The following TAFA5 variants were observed in gnomAD, a reference collection of about 807,000 sequenced individuals.
The protein encoded by TAFA5 is chemokine-like protein TAFA-5.
In TAFA5, 6 loss-of-function variants were observed where a neutral mutation model predicts 15.3. The observed-to-expected ratio is 0.39, with a 90% CI of 0.21 to 0.77. The LOEUF is 0.77. TAFA5 is among the 30% of genes least tolerant of loss of function. The pLI is 0.41. For missense variants in TAFA5, 161 were observed against 193.1 expected (o/e 0.83, Z 0.98); for synonymous variants, 103 against 80.7 (o/e 1.28, Z -1.48).
At chr22:48,602,842 C>T (rs1925024461) in intron 1 of TAFA5, among the ~76,000 whole-genome samples, 2 of 152,102 alleles carry the variant, frequency 1.3e-5, no homozygotes, top group African/African-American at 2.4e-5. Flanking sequence ...GGAACCTGGG[C>T]CCTGAGAGGT....
At chr22:48,591,589 G>T (rs777294767) in intron 1 of TAFA5, among the ~76,000 whole-genome samples, 4 of 152,254 alleles carry the variant, frequency 2.6e-5, no homozygotes, top group African/African-American at 4.8e-5. Flanking sequence ...GGGCGGCCCT[G>T]AGGGCTCCAG....
chr22:48,570,853 G>C (rs1025249960), intron 1 of TAFA5, among the ~76,000 whole-genome samples: 4 of 152,162 alleles, frequency 2.6e-5, no homozygotes, highest in African/African-American at 9.7e-5. Flanking sequence ...TAGAACTATG[G>C]AGAAAGAGAT....
intron 1 of TAFA5, among the ~76,000 whole-genome samples, chr22:48,577,220 C>T (rs1923844921): frequency 6.6e-6 from 1 of 152,196 alleles, no homozygotes; most frequent in Admixed American, 6.5e-5. Flanking sequence ...ACGGTTGGAC[C>T]CTCGTGGCTG....
chr22:48,683,789 G>C (rs1252969006), intron 2 of TAFA5, among the ~76,000 whole-genome samples: 1 of 152,206 alleles, frequency 6.6e-6, no homozygotes, highest in Non-Finnish European at 1.5e-5. Context: ...GCTGGCAGGA[G>C]GTGATTGGAT....
chr22:48,706,480 G>A (rs1439676020), intron 2 of TAFA5, among the ~76,000 whole-genome samples: 1 of 152,224 alleles, frequency 6.6e-6, no homozygotes, highest in Non-Finnish European at 1.5e-5. Context: ...TCACCAGCGA[G>A]TGCAGTGGGG....
intron 3 of TAFA5, among the ~76,000 whole-genome samples, chr22:48,724,645 C>T (rs1409649923): frequency 1.3e-5 from 2 of 152,144 alleles, no homozygotes; most frequent in African/African-American, 4.8e-5. Context: ...TGGGGAAAGC[C>T]CCCTGGGGCT....
chr22:48,573,266 A>G (rs951399332), intron 1 of TAFA5, among the ~76,000 whole-genome samples: 5 of 152,170 alleles, frequency 3.3e-5, no homozygotes, highest in Non-Finnish European at 7.3e-5. Flanking sequence ...TTCCCACCAC[A>G]GTTTTTTCTC....
In TAFA5 at chr22:48,749,925, C is replaced by A; in HGVS notation, c.*78C>A. 7.4e-7 allele frequency: 1 copy of A among 1,355,360 alleles called. No individual in the cohort carries two copies. The highest frequency in any genetic ancestry group is 1.0e-6 in the Non-Finnish European group (1 of 972,756). 84.0% of individuals were successfully genotyped at this position (1,355,360 alleles called of 1,614,324 possible). On this transcript the variant is annotated 3_prime_UTR_variant, in exon 4 of 4. Coordinates refer to ENST00000402357, the MANE Select transcript of TAFA5 (RefSeq NM_001082967.3). ...CACGTCTCAGCCACAGTTCTCCACT[C>A]GCCTCGGACTTCACCCGTTCTCTGC...
At chr22:48,721,925 C>G (rs1025011871) in intron 3 of TAFA5, among the ~76,000 whole-genome samples, 1 of 151,938 alleles carries the variant, frequency 6.6e-6, no homozygotes, top group Non-Finnish European at 1.5e-5. Flanking sequence ...TGCAGTGAAC[C>G]GAAATCACAC....
At chr22:48,581,186 A>T (rs1013173318) in intron 1 of TAFA5, among the ~76,000 whole-genome samples, 2 of 152,226 alleles carry the variant, frequency 1.3e-5, no homozygotes, top group Non-Finnish European at 2.9e-5. Context: ...TAAAAGTTAG[A>T]ATATAAAAGG....
At chr22:48,652,657 C>T (rs949134303) in intron 2 of TAFA5, among the ~76,000 whole-genome samples, 11 of 152,058 alleles carry the variant, frequency 7.2e-5, no homozygotes, top group Admixed American at 1.3e-4. Context: ...TCAGAGGGGC[C>T]CAGACCCCCA....
At chr22:48,589,986 CGT>C (rs35969553) in intron 1 of TAFA5, among the ~76,000 whole-genome samples, 14,920 of 149,536 alleles carry the variant, frequency 0.1, 893 homozygotes, top group Admixed American at 0.14. Flanking sequence ...TTGCAGCCGA[CGT>C]GTGTGTGTGT....
intron 1 of TAFA5, among the ~76,000 whole-genome samples, chr22:48,618,740 GC>G (rs1925703819): frequency 6.6e-6 from 1 of 152,240 alleles, no homozygotes; most frequent in Non-Finnish European, 1.5e-5. Flanking sequence ...CTGGGAGCAG[GC>G]AGGTGGCTTT....
chr22:48,708,251 T>A (rs1029349859), intron 3 of TAFA5, among the ~76,000 whole-genome samples: 1 of 151,786 alleles, frequency 6.6e-6, no homozygotes, highest in Non-Finnish European at 1.5e-5. Flanking sequence ...ACGGCGGGGG[T>A]TCTGTGGAGA....
At chr22:48,720,598 A>G (rs1026871284) in intron 3 of TAFA5, among the ~76,000 whole-genome samples, 2 of 152,108 alleles carry the variant, frequency 1.3e-5, no homozygotes, top group African/African-American at 2.4e-5. Flanking sequence ...CCTGGGGACC[A>G]TCCTCCGGCT....
At chr22:48,562,168 C>G (rs180893097) in intron 1 of TAFA5, among the ~76,000 whole-genome samples, 1 of 152,072 alleles carries the variant, frequency 6.6e-6, no homozygotes, top group African/African-American at 2.4e-5. Flanking sequence ...GATGGAGTCT[C>G]GCTCTGTCGC....
intron 2 of TAFA5, among the ~76,000 whole-genome samples, chr22:48,651,690 G>A (rs552370782): frequency 1.3e-5 from 2 of 152,274 alleles, no homozygotes; most frequent in East Asian, 3.9e-4. Flanking sequence ...CGTGGGTTTG[G>A]CATCTGTGCT....
intron 1 of TAFA5, chr22:48,545,316 G>A (rs1417178860): frequency 4.0e-6 from 1 of 247,956 alleles, no homozygotes; most frequent in East Asian, 9.2e-5. Flanking sequence ...GAGGGGGCTG[G>A]ATCTGCCCCG....
At chr22:48,535,967 G>A (rs1423791309) in intron 1 of TAFA5, among the ~76,000 whole-genome samples, 2 of 152,194 alleles carry the variant, frequency 1.3e-5, no homozygotes, top group African/African-American at 4.8e-5. Flanking sequence ...GCACAGGCAC[G>A]CGTATGGGCA....
Sources: gnomAD v4.1 joint callset for allele counts (sites outside exome capture counted in the v4.1 genomes callset) on GRCh38, gnomAD v4.1.1 for gene constraint, MANE v1.5 for transcripts, NCBI Gene and HGNC (gene_info 2026-07-23, HGNC 2026-07-21) for gene names.